Variants in FBXW7 observed in about 807,000 individuals in gnomAD.
The protein encoded by FBXW7 is F-box and WD repeat domain containing 7, also known as F-box/WD repeat-containing protein 7.
FBXW7 carries 11 observed loss-of-function variants against 86.3 expected under a neutral mutation model. The observed-to-expected ratio is 0.13, with a 90% CI of 0.08 to 0.21. The LOEUF (loss-of-function observed/expected upper bound fraction) is 0.21, where lower values mean the gene tolerates loss of function less well. Among genes scored for constraint, FBXW7 ranks in the 10% least tolerant of loss-of-function variants. FBXW7 has a pLI of 1.00. For missense variants in FBXW7, 488 were observed against 847.4 expected (o/e 0.58, Z 5.27); for synonymous variants, 313 against 297.9 (o/e 1.05, Z -0.52).
At chr4:152,367,132 T>G (rs146336348) in intron 4 of FBXW7, among the ~76,000 whole-genome samples, 2,240 of 152,060 alleles carry the variant, frequency 0.015, 26 homozygotes, top group Middle Eastern at 0.037. Context: ...GTCGTGGGGT[T>G]GAGGGATGGG....
rs1729233253 is a variant in FBXW7, at chr4:152,328,198, T to C, written c.1418+10A>G. The C allele has an allele frequency of 6.3e-7, 1 of 1,579,830 alleles. No homozygotes were observed. The highest frequency in any genetic ancestry group is 8.6e-7 in the Non-Finnish European group (1 of 1,166,122). ...GAAGAAGTCCCAACCATGACAAGAT[T>C]TTCCCTTACCTTTTTTCATGAAGAT... is the stretch of plus-strand genomic sequence containing the variant. On this transcript the variant is annotated intron_variant, in intron 11 of 13. Transcript: ENST00000281708.
At chr4:152,345,663 A>G (rs1731195770) in intron 6 of FBXW7, among the ~76,000 whole-genome samples, 1 of 152,150 alleles carries the variant, frequency 6.6e-6, no homozygotes, top group Non-Finnish European at 1.5e-5. Flanking sequence ...GTTACCAACC[A>G]AAAAAAGGTT....
intron 2 of FBXW7, among the ~76,000 whole-genome samples, chr4:152,441,760 GCT>G: frequency 6.6e-6 from 1 of 152,172 alleles, no homozygotes; most frequent in East Asian, 1.9e-4. Flanking sequence ...ATTTTAAAAA[GCT>G]CTCTTTGGAG....
chr4:152,349,466 G>A (rs976426793), intron 5 of FBXW7, among the ~76,000 whole-genome samples: 12 of 151,828 alleles, frequency 7.9e-5, no homozygotes, highest in Non-Finnish European at 1.8e-4. Flanking sequence ...TTATACTGAT[G>A]TAAAATCCAA....
chr4:152,476,060 C>T lies in FBXW7; in HGVS notation c.-120+58881G>A, dbSNP rs148323158. On this transcript the variant is annotated intron_variant, in intron 2 of 13. Coordinates refer to ENST00000281708, the MANE Select transcript of FBXW7 (RefSeq NM_001349798.2). The stretch of plus-strand genomic sequence containing the variant: ...TCAGCAAAAGAACAAAATTTGAGAA[C>T]ACTAATTTCAATAACTACCATAAAA... Among the ~76,000 whole-genome samples the T allele has an allele frequency of 2.7e-4, 41 of 152,208 alleles. No homozygotes were observed. In the East Asian group the frequency reaches 7.7e-3, roughly 29 times the overall value.
intron 2 of FBXW7, among the ~76,000 whole-genome samples, chr4:152,520,293 C>T (rs980060228): frequency 7.3e-5 from 11 of 151,512 alleles, no homozygotes; most frequent in African/African-American, 2.2e-4. Flanking sequence ...ATTAGCCGGG[C>T]GCGGTGGCGG....
At chr4:152,425,828 C>G (rs1023142114) in intron 2 of FBXW7, among the ~76,000 whole-genome samples, 3 of 152,132 alleles carry the variant, frequency 2.0e-5, no homozygotes, top group African/African-American at 4.8e-5. Context: ...TGATAGTTCT[C>G]TAATAGGAAA....
At chr4:152,403,869 T>C (rs1737171316) in intron 4 of FBXW7, among the ~76,000 whole-genome samples, 1 of 152,150 alleles carries the variant, frequency 6.6e-6, no homozygotes, top group Admixed American at 6.5e-5. Context: ...CTGAAATTGC[T>C]CGGAGAACGG....
intron 2 of FBXW7, among the ~76,000 whole-genome samples, chr4:152,486,980 T>C (rs908480510): frequency 1.3e-5 from 2 of 152,154 alleles, no homozygotes; most frequent in African/African-American, 2.4e-5. Flanking sequence ...TATAATCTCA[T>C]GGGATCAATG....
chr4:152,393,458 A>G (rs1418538517), intron 4 of FBXW7, among the ~76,000 whole-genome samples: 1 of 152,156 alleles, frequency 6.6e-6, no homozygotes, highest in Non-Finnish European at 1.5e-5. Context: ...GTAACAGAGT[A>G]AAATGATAAT....
At chr4:152,497,595 T>G (rs1055059740) in intron 2 of FBXW7, among the ~76,000 whole-genome samples, 1 of 152,086 alleles carries the variant, frequency 6.6e-6, no homozygotes, top group Non-Finnish European at 1.5e-5. Context: ...TCAAACTCCA[T>G]TTCTCATCTT....
chr4:152,417,517 C>T (rs1369311441), intron 2 of FBXW7, among the ~76,000 whole-genome samples: 2 of 151,874 alleles, frequency 1.3e-5, no homozygotes, highest in South Asian at 2.1e-4. Context: ...GGGATGGCGG[C>T]GGGGAGGAAC....
At chr4:152,438,873 G>A (rs775882018) in intron 2 of FBXW7, among the ~76,000 whole-genome samples, 9 of 152,108 alleles carry the variant, frequency 5.9e-5, no homozygotes, top group Non-Finnish European at 1.3e-4. Context: ...TAGCAGCAAT[G>A]ATAAAACAAT....
intron 2 of FBXW7, among the ~76,000 whole-genome samples, chr4:152,508,916 G>C (rs549192919): frequency 9.5e-4 from 144 of 152,162 alleles, no homozygotes; most frequent in African/African-American, 3.3e-3. Flanking sequence ...GGACAAATCA[G>C]CATCATGTGC....
Position 152,331,708 on chromosome 4 carries a change from TA to T in FBXW7, c.986-841del, listed in dbSNP as rs577674887. ...ACTTAATGCCACTGAACTGTACATA[TA>T]AAAATGGTTAAACTGATAAATTACA... On this transcript the variant is annotated intron_variant, in intron 8 of 13. Transcript: ENST00000281708. 7.2e-5 allele frequency among the ~76,000 whole-genome samples: 11 copies of T among 152,202 alleles called. No homozygotes were observed. The East Asian group carries it at 2.1e-3, about 29-fold the overall frequency.
At chr4:152,519,311 T>TAAAGAAAG (rs1427496764) in intron 2 of FBXW7, among the ~76,000 whole-genome samples, 2 of 151,516 alleles carry the variant, frequency 1.3e-5, no homozygotes, top group African/African-American at 4.9e-5. Context: ...AATAAATAAA[T>TAAAGAAAG]AAATAAATAA....
intron 4 of FBXW7, among the ~76,000 whole-genome samples, chr4:152,358,253 C>G (rs1230730746): frequency 6.6e-6 from 1 of 152,124 alleles, no homozygotes; most frequent in Non-Finnish European, 1.5e-5. Flanking sequence ...AAGAATTTAA[C>G]ATGGAGAAAG....
At chr4:152,518,278 T>C (rs887971530) in intron 2 of FBXW7, among the ~76,000 whole-genome samples, 2 of 151,954 alleles carry the variant, frequency 1.3e-5, no homozygotes, top group Admixed American at 6.6e-5. Flanking sequence ...CATGAGCCAC[T>C]GCACCCAGCC....
At position 152,411,485 on chromosome 4, in the gene FBXW7, C is replaced by T. The variant is rs2126878774; in HGVS notation, c.319G>A (p.Glu107Lys). 6.2e-7 allele frequency: 1 copy of T among 1,613,570 alleles called. No individual in the cohort carries two copies. The highest frequency in any genetic ancestry group is 1.3e-5 in the African/African-American group (1 of 75,010). Residue 107 changes from glutamate to lysine, a missense_variant, in exon 4 of 14, where the codon GAA becomes AAA. By Grantham distance (56) the Glu-to-Lys change is moderately conservative. Coordinates refer to ENST00000281708, the MANE Select transcript of FBXW7 (RefSeq NM_001349798.2). ...EQEEDEEHAG[E>K]QDEEDEEEEE... is the part of the protein sequence containing the mutation. ...TCCTCCTCATCCTCCTCATCTTGTT[C>T]ACCAGCATGTTCTTCATCTTCCTCT...
Sources: gnomAD v4.1 joint callset for allele counts (sites outside exome capture counted in the v4.1 genomes callset) on GRCh38, gnomAD v4.1.1 for gene constraint, MANE v1.5 for transcripts, NCBI Gene and HGNC (gene_info 2026-07-23, HGNC 2026-07-21) for gene names.